The following FHIT variants were observed in gnomAD, a reference collection of about 807,000 sequenced individuals.
FHIT encodes the protein bis(5'-adenosyl)-triphosphatase.
Under a neutral mutation model 17.9 loss-of-function variants are expected in FHIT, and 19 were observed. That is an observed-to-expected ratio of 1.06 (90% CI 0.74 to 1.56). The LOEUF is 1.56. Ranked by LOEUF, FHIT falls within the 40% of genes most tolerant of loss-of-function variation. The probability of loss-of-function intolerance (pLI) is 0.00; values close to 1 mark genes in which losing one functional copy is unlikely to be tolerated. For missense variants in FHIT, 248 were observed against 189.2 expected, an observed-to-expected ratio of 1.31 and a Z score of -1.82; for synonymous variants, 81 against 69.7, an observed-to-expected ratio of 1.16 and a Z score of -0.81.
chr3:61,177,090 T>C (rs2038180688), intron 2 of FHIT, among the ~76,000 whole-genome samples: 1 of 150,958 alleles, frequency 6.6e-6, no homozygotes, highest in African/African-American at 2.4e-5. Context: ...GGCAGGAGAA[T>C]GGTGTGAACC....
chr3:60,867,823 A>T (rs1704232741), intron 3 of FHIT, among the ~76,000 whole-genome samples: 1 of 152,152 alleles, frequency 6.6e-6, no homozygotes, highest in Admixed American at 6.6e-5. Flanking sequence ...GCCCCCTGAC[A>T]ACTTTTTTTG....
intron 3 of FHIT, among the ~76,000 whole-genome samples, chr3:60,847,865 A>T (rs1702987462): frequency 6.6e-6 from 1 of 152,126 alleles, no homozygotes; most frequent in South Asian, 2.1e-4. Context: ...GTATTTCTTT[A>T]TGGGAATAAA....
chr3:60,946,875 C>T (rs73836063), intron 3 of FHIT, among the ~76,000 whole-genome samples: 136 of 152,260 alleles, frequency 8.9e-4, no homozygotes, highest in African/African-American at 3.1e-3. Context: ...TTGATATCTA[C>T]GCCATCCTAT....
chr3:60,205,249 T>C (rs1470604806), intron 5 of FHIT, among the ~76,000 whole-genome samples: 6 of 152,218 alleles, frequency 3.9e-5, no homozygotes, highest in Admixed American at 3.9e-4. Flanking sequence ...TGAAGGGATT[T>C]CCTCAAAGAA....
chr3:60,278,540 T>A (rs1707280059), intron 5 of FHIT, among the ~76,000 whole-genome samples: 1 of 152,110 alleles, frequency 6.6e-6, no homozygotes, highest in South Asian at 2.1e-4. Flanking sequence ...GAAGAGGTCT[T>A]TGGTGATTAC....
intron 4 of FHIT, among the ~76,000 whole-genome samples, chr3:60,544,351 CCTT>C (rs910879782): frequency 2.0e-5 from 3 of 151,656 alleles, no homozygotes; most frequent in Non-Finnish European, 2.9e-5. Context: ...AGGGTTGATA[CCTT>C]TTTTTAAAAA....
intron 2 of FHIT, among the ~76,000 whole-genome samples, chr3:61,166,431 A>G (rs2037840802): frequency 6.6e-6 from 1 of 152,230 alleles, no homozygotes; most frequent in African/African-American, 2.4e-5. Flanking sequence ...GACACACTGT[A>G]GAGTAAAATA....
intron 3 of FHIT, among the ~76,000 whole-genome samples, chr3:61,005,236 AT>A (rs1247475671): frequency 1.3e-5 from 2 of 152,212 alleles, no homozygotes; most frequent in African/African-American, 4.8e-5. Flanking sequence ...TGACTTCTCC[AT>A]TATTTTATGT....
At chr3:61,024,620 G>A (rs967640367) in intron 3 of FHIT, among the ~76,000 whole-genome samples, 1 of 152,124 alleles carries the variant, frequency 6.6e-6, no homozygotes, top group African/African-American at 2.4e-5. Flanking sequence ...AGCTGGTTAT[G>A]ACTAAATATA....
chr3:60,567,839 A>G (rs558868598), intron 4 of FHIT, among the ~76,000 whole-genome samples: 1 of 152,372 alleles, frequency 6.6e-6, no homozygotes, highest in East Asian at 1.9e-4. Flanking sequence ...TTATGCAGCC[A>G]AAAGACACGT....
At chr3:59,852,462 T>A (rs1465104959) in intron 8 of FHIT, among the ~76,000 whole-genome samples, 2 of 152,150 alleles carry the variant, frequency 1.3e-5, no homozygotes, top group African/African-American at 4.8e-5. Context: ...ATATGTTGCC[T>A]CCCATATTAA....
At chr3:61,139,670 T>C (rs956666489) in intron 2 of FHIT, among the ~76,000 whole-genome samples, 7 of 152,190 alleles carry the variant, frequency 4.6e-5, no homozygotes, top group African/African-American at 1.7e-4. Context: ...ATGCATGTAA[T>C]AGACGCTTCA....
At position 61,072,653 on chromosome 3, in the gene FHIT, C is replaced by A. The variant is rs574228164; in HGVS notation, c.-163-30554G>T. The stretch of plus-strand genomic sequence containing the variant: ...ACCTTGATACTTGATAATGTTGTTG[C>A]TGAATTCTGGCATGGCCCTATTTTT... On this transcript the variant is annotated intron_variant, in intron 2 of 9. Coordinates refer to ENST00000492590, the MANE Select transcript of FHIT (RefSeq NM_002012.4). 1.7e-4 allele frequency among the ~76,000 whole-genome samples: 26 copies of A among 152,170 alleles called. No individual in the cohort carries two copies. In the South Asian group the frequency reaches 5.0e-3, roughly 29 times the overall value.
intron 3 of FHIT, among the ~76,000 whole-genome samples, chr3:61,014,810 A>AAAAAAAT (rs1559910694): frequency 7.7e-6 from 1 of 129,878 alleles, no homozygotes; most frequent in Non-Finnish European, 1.6e-5. Context: ...AAAAAAAAAT[A>AAAAAAAT]TATATATATA....
rs182594863 is a variant in FHIT, at chr3:60,300,412, G to T, written c.103+236448C>A. ...AAAGGAAGGGTTACAAAGTGGGGAG[G>T]ATTAGAGTCAAAAGACTCAAGTTCT... is the stretch of plus-strand genomic sequence containing the variant. On this transcript the variant is annotated intron_variant, in intron 5 of 9. Coordinates refer to ENST00000492590, the MANE Select transcript of FHIT (RefSeq NM_002012.4). 2.3e-3 allele frequency among the ~76,000 whole-genome samples: 346 copies of T among 152,228 alleles called. 9 individuals carry two copies. The South Asian group carries it at 0.045, about 20-fold the overall frequency.
chr3:60,389,766 T>C (rs2205038), intron 5 of FHIT, among the ~76,000 whole-genome samples: 147,238 of 152,290 alleles, frequency 0.97, 71,390 homozygotes, highest in East Asian at 1. Context: ...ACTGTCATTT[T>C]ATTATTTATT....
At chr3:60,396,171 T>C (rs1316479906) in intron 5 of FHIT, among the ~76,000 whole-genome samples, 1 of 152,162 alleles carries the variant, frequency 6.6e-6, no homozygotes, top group African/African-American at 2.4e-5. Flanking sequence ...TTGTTGATAT[T>C]TGGGTAAGTC....
chr3:60,344,992 T>C (rs1202877465), intron 5 of FHIT, among the ~76,000 whole-genome samples: 2 of 152,216 alleles, frequency 1.3e-5, no homozygotes, highest in Admixed American at 6.5e-5. Flanking sequence ...GCAATGTCAT[T>C]AGCAAATTTC....
At chr3:60,528,670 A>T (rs2035662433) in intron 5 of FHIT, among the ~76,000 whole-genome samples, 1 of 152,190 alleles carries the variant, frequency 6.6e-6, no homozygotes, top group South Asian at 2.1e-4. Context: ...AGCTTCTTCC[A>T]TCTGTTTTTC....
Sources: allele counts gnomAD v4.1 joint callset (sites outside exome capture counted in the v4.1 genomes callset), GRCh38; gene constraint gnomAD v4.1.1; transcripts MANE v1.5; gene names NCBI Gene and HGNC (gene_info 2026-07-23, HGNC 2026-07-21).